GALNT2: variants seen among roughly 807,000 people sequenced by gnomAD.
GALNT2 encodes UDP-GalNAc:polypeptide N-acetylgalactosaminyltransferase 2.
GALNT2 carries 31 observed loss-of-function variants against 81.4 expected under a neutral mutation model. That is an observed-to-expected ratio of 0.38 (90% confidence interval 0.29 to 0.51). The LOEUF (loss-of-function observed/expected upper bound fraction) is 0.51, where lower values mean the gene tolerates loss of function less well. GALNT2 is among the 20% of genes least tolerant of loss of function. The pLI is 0.87. For synonymous variants in GALNT2, 303 were observed against 287.4 expected (o/e 1.05, Z -0.55); for missense variants, 629 against 765.7 (o/e 0.82, Z 2.11).
At chr1:230,123,857 A>T (rs2102804301) in intron 1 of GALNT2, among the ~76,000 whole-genome samples, 1 of 152,296 alleles carries the variant, frequency 6.6e-6, no homozygotes. Context: ...TTTGAAAATG[A>T]CCTGCACACT....
chr1:230,269,619 C>G (rs2102774048), intron 14 of GALNT2, among the ~76,000 whole-genome samples: 1 of 152,060 alleles, frequency 6.6e-6, no homozygotes, highest in Non-Finnish European at 1.5e-5. Flanking sequence ...ATTTGGCCTG[C>G]TGTAGTGGTA....
At chr1:230,200,616 A>G (rs1281126055) in intron 2 of GALNT2, among the ~76,000 whole-genome samples, 1 of 152,090 alleles carries the variant, frequency 6.6e-6, no homozygotes, top group Non-Finnish European at 1.5e-5. Context: ...GCACAAAGAG[A>G]TGTATGGGTG....
In GALNT2 at chr1:230,279,369, C is replaced by G. The variant is rs1046665269; in HGVS notation, c.1627C>G (p.Arg543Gly). 6.2e-7 allele frequency: 1 copy of G among 1,614,136 alleles called. No homozygotes were observed. Among genetic ancestry groups the G allele is most frequent in the Non-Finnish European group, 8.5e-7 (1 of 1,180,022 alleles). ...HVGSNLCLDS[R>G]TAKSGGLSVE... Reference sequence around the variant, plus strand: ...GGGCAGCAACCTGTGCCTGGACAGTCGCACGGCCAAGAGCGGGGGCCTAAG... The same window carrying G: ...GGGCAGCAACCTGTGCCTGGACAGTGGCACGGCCAAGAGCGGGGGCCTAAG... The change falls in exon 16 of 16, where the codon CGC (arginine) becomes GGC (glycine). Residue 543 changes from arginine to glycine, a missense_variant. Physicochemically the swap from Arg to Gly is moderately radical, Grantham distance 125 (BLOSUM62 -2). Transcript: ENST00000366672. The surrounding 1 kb of genome is among the most constrained non-coding windows in gnomAD (Gnocchi z 4.6).
chr1:230,120,999 A>G (rs1180169016), intron 1 of GALNT2, among the ~76,000 whole-genome samples: 1 of 152,240 alleles, frequency 6.6e-6, no homozygotes, highest in African/African-American at 2.4e-5. Context: ...CTCCGGATTT[A>G]TTGAAAACAT....
intron 3 of GALNT2, among the ~76,000 whole-genome samples, chr1:230,222,425 C>G (rs955765722): frequency 2.6e-5 from 4 of 152,092 alleles, no homozygotes; most frequent in African/African-American, 9.7e-5. Flanking sequence ...GGCTGAGTCT[C>G]ATAATACGAA....
chr1:230,211,028 G>T (rs1268577995), intron 3 of GALNT2, among the ~76,000 whole-genome samples: 1 of 152,154 alleles, frequency 6.6e-6, no homozygotes, highest in Admixed American at 6.5e-5. Flanking sequence ...CTTTTTAGGG[G>T]GGCAGAAGAT....
intron 13 of GALNT2, chr1:230,263,841 C>T (rs187136959): frequency 2.0e-4 from 30 of 152,400 alleles, no homozygotes; most frequent in Non-Finnish European, 3.8e-4. Context: ...CCACCATTAT[C>T]TTTCCGCTAA....
rs1248472940 is a variant in GALNT2, at chr1:230,265,233, T to C, written c.1314-8T>C. ...AGTGAAGCAGGTGATTCTCACGTTGTTTTTCAGGGTTCCAGACCATCAGGA... is the reference window on the plus strand; with the variant it reads ...AGTGAAGCAGGTGATTCTCACGTTGCTTTTCAGGGTTCCAGACCATCAGGA... On this transcript the variant is annotated splice_polypyrimidine_tract_variant and splice_region_variant and intron_variant, in intron 13 of 15. Transcript: ENST00000366672. 3 of 1,613,966 alleles carry C rather than the reference T, an allele frequency of 1.9e-6. No homozygotes were observed. Among genetic ancestry groups the C allele is most frequent in the Admixed American group, 3.3e-5 (2 of 59,996 alleles).
At chr1:230,124,959 C>T (rs745764501) in intron 1 of GALNT2, among the ~76,000 whole-genome samples, 8 of 152,304 alleles carry the variant, frequency 5.3e-5, no homozygotes, top group Admixed American at 1.3e-4. Context: ...GTGTCTGCAC[C>T]GCTGGCTGTT....
chr1:230,119,101 C>T (rs898857916), intron 1 of GALNT2, among the ~76,000 whole-genome samples: 3 of 152,190 alleles, frequency 2.0e-5, no homozygotes, highest in Non-Finnish European at 4.4e-5. Context: ...GCTCAAATCT[C>T]CATTTGGTTC....
At chr1:230,120,106 T>TC (rs1660967975) in intron 1 of GALNT2, among the ~76,000 whole-genome samples, 1 of 128,912 alleles carries the variant, frequency 7.8e-6, no homozygotes, top group Non-Finnish European at 1.5e-5. Flanking sequence ...CCGGAGCATC[T>TC]CCAAGCGTCT....
intron 3 of GALNT2, among the ~76,000 whole-genome samples, chr1:230,227,469 ATATATGCTATATAATATAGC>A (rs1434655962): frequency 1.3e-4 from 19 of 150,158 alleles, no homozygotes; most frequent in African/African-American, 4.6e-4. Context: ...AGCTATATAT[ATATATGCTATATAATATAGC>A]TATATATGCT....
chr1:230,062,901 T>C (rs571563561), upstream of GALNT2, among the ~76,000 whole-genome samples: 1 of 152,218 alleles, frequency 6.6e-6, no homozygotes, highest in Non-Finnish European at 1.5e-5. Flanking sequence ...GATCATATAG[T>C]AGTTCTAAAT....
chr1:230,122,231 A>G (rs1196330344), intron 1 of GALNT2, among the ~76,000 whole-genome samples: 1 of 152,232 alleles, frequency 6.6e-6, no homozygotes, highest in African/African-American at 2.4e-5. Context: ...GGCAAACTAT[A>G]TAACCAAACC....
intron 13 of GALNT2, chr1:230,263,949 C>T (rs553312150): frequency 4.6e-5 from 7 of 152,250 alleles, no homozygotes; most frequent in South Asian, 2.1e-4. Context: ...TCTTTGGAAC[C>T]GTTTCCTCTG....
chr1:230,194,689 A>C (rs956652745), intron 2 of GALNT2, among the ~76,000 whole-genome samples: 3 of 152,104 alleles, frequency 2.0e-5, no homozygotes, highest in Non-Finnish European at 4.4e-5. Context: ...GAGGGGAGGG[A>C]CACTCTCCCC....
At chr1:230,067,044 C>A (rs1438284763), upstream of GALNT2, among the ~76,000 whole-genome samples, 10 of 148,604 alleles carry the variant, frequency 6.7e-5, no homozygotes, top group East Asian at 1.6e-3. Context: ...CCCTGACCCC[C>A]CTCGCCGCCT....
chr1:230,099,966 A>G (rs1302202014), intron 1 of GALNT2, among the ~76,000 whole-genome samples: 1 of 152,176 alleles, frequency 6.6e-6, no homozygotes, highest in African/African-American at 2.4e-5. Context: ...GTGAATAGTT[A>G]ATGACATTTT....
chr1:230,075,796 G>A (rs1032347773), intron 1 of GALNT2, among the ~76,000 whole-genome samples: 10 of 152,120 alleles, frequency 6.6e-5, no homozygotes, highest in African/African-American at 1.4e-4. Flanking sequence ...GGATGAGGGC[G>A]GAAGGATAGT....
Sources: gnomAD v4.1 joint callset for allele counts (sites outside exome capture counted in the v4.1 genomes callset) on GRCh38, gnomAD v4.1.1 for gene constraint, Gnocchi (gnomAD v3.1) non-coding constraint, MANE v1.5 for transcripts, NCBI Gene and HGNC (gene_info 2026-07-23, HGNC 2026-07-21) for gene names.